PIKFYVE: variants seen among roughly 807,000 people sequenced by gnomAD.
The protein encoded by PIKFYVE is phosphoinositide kinase, FYVE-type zinc finger containing.
In PIKFYVE, 122 loss-of-function variants were observed where a neutral mutation model predicts 257.9. The observed-to-expected ratio is 0.47, with a 90% CI of 0.41 to 0.55. The LOEUF is 0.55. Among genes scored for constraint, PIKFYVE ranks in the 20% least tolerant of loss-of-function variants. The pLI is 0.00. For synonymous variants in PIKFYVE, 892 were observed against 868.9 expected (o/e 1.03, Z -0.47); for missense variants, 2,160 against 2,536.6 (o/e 0.85, Z 3.19).
chr2:208,274,188 G>T (rs1039836201), intron 3 of PIKFYVE: 42 of 945,912 alleles, frequency 4.4e-5, no homozygotes, highest in Non-Finnish European at 6.8e-5. Flanking sequence ...TTCTGTCCTT[G>T]TTGGGGTGCA....
At chr2:208,332,874 C>G (rs1165918716) in intron 23 of PIKFYVE, among the ~76,000 whole-genome samples, 1 of 151,974 alleles carries the variant, frequency 6.6e-6, no homozygotes, top group Non-Finnish European at 1.5e-5. Context: ...CCAAGTCCAC[C>G]CACCTTTGAA....
intron 11 of PIKFYVE, among the ~76,000 whole-genome samples, 187 bp downstream of exon 11, chr2:208,304,505 T>C (rs1486678084): frequency 6.6e-6 from 1 of 152,242 alleles, no homozygotes; most frequent in African/African-American, 2.4e-5. Context: ...GGTTGACATT[T>C]CTAGATTTTA....
At chr2:208,326,514 G>C in intron 20 of PIKFYVE, 85 bp downstream of exon 20, 1 of 1,400,426 alleles carries the variant, frequency 7.1e-7, no homozygotes, top group South Asian at 1.2e-5. Flanking sequence ...AATCAGTTTG[G>C]CAGACTGCAT....
chr2:208,277,220 A>G, intron 4 of PIKFYVE, among the ~76,000 whole-genome samples: 1 of 152,078 alleles, frequency 6.6e-6, no homozygotes. Flanking sequence ...TATAAATTCC[A>G]CCGTAAGTCC....
Position 208,336,887 on chromosome 2 carries a change from C to A in PIKFYVE, c.4570C>A (p.Pro1524Thr). The change falls in exon 28 of 42, where the codon CCT (proline) becomes ACT (threonine). Residue 1524 changes from proline (P) to threonine (T), a missense_variant. Coordinates refer to ENST00000264380, the MANE Select transcript of PIKFYVE (RefSeq NM_015040.4). ...AAAGGGTAGAAAGAGACCTTCAGTT[C>A]CTCCAAGTCCTGGAAGACTGAGACA... ...QEKGRKRPSV[P>T]PSPGRLRQGE... 1 of 1,613,002 alleles carries A rather than the reference C, an allele frequency of 6.2e-7. No homozygotes were observed. The highest frequency in any genetic ancestry group is 8.5e-7 in the Non-Finnish European group (1 of 1,179,426).
chr2:208,307,685 G>A (rs747647431), intron 12 of PIKFYVE, among the ~76,000 whole-genome samples: 1 of 152,060 alleles, frequency 6.6e-6, no homozygotes, highest in African/African-American at 2.4e-5. Flanking sequence ...GATTGGTGGT[G>A]ACTGGGCCAC....
At chr2:208,303,752 C>T (rs574321559) in intron 10 of PIKFYVE, among the ~76,000 whole-genome samples, 77 of 152,118 alleles carry the variant, frequency 5.1e-4, no homozygotes, top group African/African-American at 1.8e-3. Context: ...AACTAAAATT[C>T]GAAAGTCAAT....
chr2:208,274,162 C>A, intron 3 of PIKFYVE: 1 of 1,219,298 alleles, frequency 8.2e-7, no homozygotes, highest in Non-Finnish European at 1.2e-6. Context: ...TATTGGGCTG[C>A]CACTTGCTCT....
intron 35 of PIKFYVE, among the ~76,000 whole-genome samples, chr2:208,348,294 G>A (rs1245291392): frequency 2.6e-5 from 4 of 152,094 alleles, no homozygotes; most frequent in Non-Finnish European, 4.4e-5. Context: ...TGTCTTCCAA[G>A]GTTGATGTGA....
intron 31 of PIKFYVE, 69 bp from the exon 32 acceptor site, chr2:208,342,485 T>G (rs555838095): frequency 8.6e-7 from 1 of 1,158,664 alleles, no homozygotes; most frequent in South Asian, 1.2e-5. Flanking sequence ...GCATACATTT[T>G]GGCTTTCTTA....
At chr2:208,328,358 C>T in intron 21 of PIKFYVE, 78 bp downstream of exon 21, 1 of 1,566,886 alleles carries the variant, frequency 6.4e-7, no homozygotes, top group Non-Finnish European at 8.7e-7. Context: ...AACAAAAAAA[C>T]AGTCATTAGG....
At position 208,298,788 on chromosome 2, in the gene PIKFYVE, C is replaced by A; in HGVS notation, c.1050+9C>A. On this transcript the variant is annotated intron_variant, in intron 8 of 41. Transcript: ENST00000264380. ...AACGCAAAATTCTTCTGGTACTGGT[C>A]CAGTATCTTTGACCCATTGCTAGTT... 6.2e-7 allele frequency: 1 copy of A among 1,613,800 alleles called. No homozygotes were observed. The highest frequency in any genetic ancestry group is 1.1e-5 in the South Asian group (1 of 91,054).
At position 208,335,786 on chromosome 2, in the gene PIKFYVE, T is replaced by C. The variant is rs1319252094; in HGVS notation, c.4257-7T>C. 1 of 1,594,276 alleles carries C rather than the reference T, an allele frequency of 6.3e-7. No homozygotes were observed. The highest frequency in any genetic ancestry group is 1.7e-5 in the Admixed American group (1 of 59,966). Reference sequence around the variant, plus strand: ...TCTAAAGTGTTTAATGCTCTCGCTATTGTTAGAGTTTCACAGGTATATGTT... The same window carrying C: ...TCTAAAGTGTTTAATGCTCTCGCTACTGTTAGAGTTTCACAGGTATATGTT... On this transcript the variant is annotated splice_polypyrimidine_tract_variant and splice_region_variant and intron_variant, in intron 25 of 41. Coordinates refer to ENST00000264380, the MANE Select transcript of PIKFYVE (RefSeq NM_015040.4).
At chr2:208,323,336 CATGT>C (rs1461787408) in intron 17 of PIKFYVE, among the ~76,000 whole-genome samples, 1 of 137,490 alleles carries the variant, frequency 7.3e-6, no homozygotes, top group Non-Finnish European at 1.6e-5. Flanking sequence ...GTTCAATTCC[CATGT>C]ATGAGTGAGA....
chr2:208,327,176 A>G (rs1697025451), intron 20 of PIKFYVE, among the ~76,000 whole-genome samples: 1 of 152,214 alleles, frequency 6.6e-6, no homozygotes, highest in South Asian at 2.1e-4. Flanking sequence ...AAAGTCGTAA[A>G]AGACCCATGG....
chr2:208,327,438 T>A (rs1252452168), intron 20 of PIKFYVE, among the ~76,000 whole-genome samples: 1 of 152,194 alleles, frequency 6.6e-6, no homozygotes, highest in Non-Finnish European at 1.5e-5. Flanking sequence ...TGAAACAGTT[T>A]AAGGATGAGC....
rs1441025858 is a variant in PIKFYVE, at chr2:208,338,534, G to C, written c.4638G>C (p.Arg1546=). Residue 1546 remains arginine (R), a synonymous_variant, in exon 29 of 42, where the codon CGG becomes CGC. Transcript: ENST00000264380. ...TAAGTGCGATGGATGCATCTCCACG[G>C]AATATTTCTCCAGGACTTCAGAATG... ...SKISAMDASP[R]NISPGLQNGE... is the part of the protein sequence containing the mutation. 1 of 1,613,442 alleles carries C rather than the reference G, an allele frequency of 6.2e-7. No individual in the cohort carries two copies. The highest frequency in any genetic ancestry group is 8.5e-7 in the Non-Finnish European group (1 of 1,179,514).
intron 29 of PIKFYVE, 150 bp from the exon 30 acceptor site, chr2:208,339,268 A>G (rs1055783489): frequency 4.8e-6 from 4 of 828,638 alleles, no homozygotes; most frequent in East Asian, 2.6e-5. Flanking sequence ...GTCCATTTCT[A>G]TGACATGAGC....
chr2:208,279,731 T>G (rs527402361), intron 5 of PIKFYVE, among the ~76,000 whole-genome samples: 3 of 152,312 alleles, frequency 2.0e-5, no homozygotes, highest in Non-Finnish European at 1.5e-5. Flanking sequence ...TTATTTCTGG[T>G]TTCTTTGTTC....
Sources: gnomAD v4.1 joint callset for allele counts (sites outside exome capture counted in the v4.1 genomes callset) on GRCh38, gnomAD v4.1.1 for gene constraint, MANE v1.5 for transcripts, NCBI Gene and HGNC (gene_info 2026-07-23, HGNC 2026-07-21) for gene names.